ANKFY1: variants seen among roughly 807,000 people sequenced by gnomAD.
ANKFY1 encodes the protein ankyrin repeat and FYVE domain-containing protein 1.
ANKFY1 carries 47 observed loss-of-function variants against 128.3 expected under a neutral mutation model. That is an observed-to-expected ratio of 0.37 (90% CI 0.29 to 0.47). The LOEUF is 0.47. Among genes scored for constraint, ANKFY1 ranks in the 20% least tolerant of loss-of-function variants. ANKFY1 has a pLI of 1.00. For synonymous variants in ANKFY1, 553 were observed against 601.6 expected (o/e 0.92, Z 1.18); for missense variants, 1,222 against 1,510.6 (o/e 0.81, Z 3.17).
rs565962464 is a variant in ANKFY1, at chr17:4,212,596, T to G, written c.459-2649A>C. On this transcript the variant is annotated intron_variant, in intron 4 of 24. Coordinates refer to ENST00000341657, the MANE Select transcript of ANKFY1 (RefSeq NM_001330063.2). Reference sequence around the variant, plus strand: ...ATCACAAAAGGAAATCACTTAATTTTAATAATCCACATTAGTGGATTTCAG... The same window carrying G: ...ATCACAAAAGGAAATCACTTAATTTGAATAATCCACATTAGTGGATTTCAG... 2.0e-5 allele frequency among the ~76,000 whole-genome samples: 3 copies of G among 152,308 alleles called. No individual in the cohort carries two copies. In the East Asian group the frequency reaches 5.8e-4, roughly 29 times the overall value.
intron 2 of ANKFY1, 82 bp from the exon 3 acceptor site, chr17:4,235,972 T>C: frequency 1.0e-6 from 1 of 964,214 alleles, no homozygotes; most frequent in Non-Finnish European, 1.6e-6. Context: ...GATAAACACA[T>C]GAGTATTCAT....
At chr17:4,236,173 CAAGTT>C (rs1419193046) in intron 2 of ANKFY1, among the ~76,000 whole-genome samples, 4 of 152,108 alleles carry the variant, frequency 2.6e-5, no homozygotes, top group African/African-American at 9.7e-5. Context: ...GGTGAACCTA[CAAGTT>C]AAGTAGGATG....
chr17:4,251,753 C>CA (rs1372044903), intron 1 of ANKFY1, among the ~76,000 whole-genome samples: 7 of 151,826 alleles, frequency 4.6e-5, no homozygotes, highest in South Asian at 2.1e-4. Flanking sequence ...AAACATCCAA[C>CA]AAAAAACGCC....
chr17:4,262,425 C>T (rs903259436), intron 1 of ANKFY1, among the ~76,000 whole-genome samples: 17 of 152,194 alleles, frequency 1.1e-4, no homozygotes, highest in African/African-American at 3.4e-4. Flanking sequence ...CCACACCTGG[C>T]TAACTTTCGT....
rs533746499 is a variant in ANKFY1, at chr17:4,261,306, C to A, written c.10+2626G>T. ...GAGTTCAAGACCAGCCTAGCCAACA[C>A]AGTGAAACCCCATCTCTACAAAAAT... On this transcript the variant is annotated intron_variant, in intron 1 of 24. Transcript: ENST00000341657. Among the ~76,000 whole-genome samples the A allele has an allele frequency of 5.9e-5, 9 of 152,210 alleles. No homozygotes were observed. In the South Asian group the frequency reaches 6.2e-4, roughly 11 times the overall value.
At chr17:4,227,192 AACAG>A (rs1399042444) in intron 3 of ANKFY1, among the ~76,000 whole-genome samples, 1 of 152,314 alleles carries the variant, frequency 6.6e-6, no homozygotes, top group Admixed American at 6.5e-5. Context: ...ATTTTCAGAA[AACAG>A]ACAATGAAGG....
chr17:4,178,692 C>T lies in ANKFY1; in HGVS notation c.2598+165G>A, dbSNP rs1567912712. 5.7e-6 allele frequency: 4 copies of T among 705,378 alleles called. No individual in the cohort carries two copies. Among genetic ancestry groups the T allele is most frequent in the East Asian group, 5.5e-5 (2 of 36,674 alleles). The allele number at this position is 705,378 out of a possible 1,614,324, so 43.7% of individuals were successfully genotyped here. A position where few individuals can be genotyped will look rare whatever the true frequency, so the allele number is the denominator to read the frequency against. ...CACAGGCAGAGGAGCCGGATCTCAT[C>T]CTGCACGGATGGGACATCTCAACAG... On this transcript the variant is annotated intron_variant, in intron 18 of 24. Transcript: ENST00000341657. The surrounding 1 kb of genome is among the most constrained non-coding windows in gnomAD (Gnocchi z 4.1).
rs763714568 is a variant in ANKFY1 at position 4,167,830 on chromosome 17, C to T, written c.3459G>A (p.Val1153=). The stretch of plus-strand genomic sequence containing the variant: ...CATCAAAACAAATGTTGCAAACCCG[C>T]ACAGGCTTGTTCAGATCAAACTTTA... ...PIIKFDLNKP[V]RVCNICFDVL... is the part of the protein sequence containing the mutation. The change falls in exon 25 of 25, where the codon GTG becomes GTA. Residue 1153 remains valine, a synonymous_variant. Coordinates refer to ENST00000341657, the MANE Select transcript of ANKFY1 (RefSeq NM_001330063.2). This position sits in a 1 kb window ranked among gnomAD's most constrained non-coding sequence, Gnocchi z 4.1. The T allele has an allele frequency of 3.7e-6, 6 of 1,613,800 alleles. No homozygotes were observed. Among genetic ancestry groups the T allele is most frequent in the South Asian group, 1.1e-5 (1 of 91,072 alleles).
At chr17:4,175,967 CGT>C (rs1480708958) in intron 19 of ANKFY1, among the ~76,000 whole-genome samples, 1 of 152,140 alleles carries the variant, frequency 6.6e-6, no homozygotes, top group Non-Finnish European at 1.5e-5. Context: ...GGTCAGGGAC[CGT>C]AACCTCCTCC....
intron 3 of ANKFY1, among the ~76,000 whole-genome samples, chr17:4,225,283 G>C (rs950321516): frequency 6.6e-6 from 1 of 152,076 alleles, no homozygotes; most frequent in South Asian, 2.1e-4. Flanking sequence ...CTTGAAGCCG[G>C]GAGGCAGAGG....
chr17:4,195,196 G>A lies in ANKFY1; in HGVS notation c.1173-19C>T. 2.5e-6 allele frequency: 4 copies of A among 1,590,612 alleles called. No individual in the cohort carries two copies. The highest frequency in any genetic ancestry group is 3.4e-6 in the Non-Finnish European group (4 of 1,165,094). On this transcript the variant is annotated intron_variant, in intron 9 of 24. Coordinates refer to ENST00000341657, the MANE Select transcript of ANKFY1 (RefSeq NM_001330063.2). Reference sequence around the variant, plus strand: ...ATCTAGTCTGAAAAGCAGAAGCAGTGTCAACAGCACATACAATCTTTTTGA... The same window carrying A: ...ATCTAGTCTGAAAAGCAGAAGCAGTATCAACAGCACATACAATCTTTTTGA...
chr17:4,222,058 C>A (rs1375052630), intron 3 of ANKFY1: 1 of 151,934 alleles, frequency 6.6e-6, no homozygotes, highest in Non-Finnish European at 1.5e-5. Flanking sequence ...AATTGGGCAG[C>A]CGCCCTAGGC....
At chr17:4,198,607 G>A (rs959870707) in intron 7 of ANKFY1, among the ~76,000 whole-genome samples, 4 of 152,188 alleles carry the variant, frequency 2.6e-5, no homozygotes, top group African/African-American at 9.6e-5. Context: ...CCTGAGCTCA[G>A]GAAAACCACC....
Position 4,183,422 on chromosome 17 carries a change from T to C in ANKFY1, c.1928A>G (p.Glu643Gly). Residue 643 changes from glutamate to glycine, a missense_variant, in exon 14 of 25, where the codon GAG (glutamate) becomes GGG (glycine). By Grantham distance (98) the Glu-to-Gly change is moderately conservative. Coordinates refer to ENST00000341657, the MANE Select transcript of ANKFY1 (RefSeq NM_001330063.2). ...QDSKSALFLL[E>G]HQADINVRTQ... is the part of the protein sequence containing the mutation. ...CCTGACATTTATATCTGCCTGGTGCTCCAGCAGGAAGAGTGCGCTCTTGCT... is the reference window on the plus strand; with the variant it reads ...CCTGACATTTATATCTGCCTGGTGCCCCAGCAGGAAGAGTGCGCTCTTGCT... 3 of 1,613,972 alleles carry C rather than the reference T, an allele frequency of 1.9e-6. No individual in the cohort carries two copies. The highest frequency in any genetic ancestry group is 2.5e-6 in the Non-Finnish European group (3 of 1,180,012).
intron 3 of ANKFY1, among the ~76,000 whole-genome samples, chr17:4,233,799 C>T (rs578007657): frequency 7.2e-5 from 11 of 152,270 alleles, no homozygotes; most frequent in South Asian, 4.1e-4. Context: ...GTACGGGCTC[C>T]GTATGGCAGG....
At chr17:4,247,864 T>A (rs1967633410) in intron 1 of ANKFY1, among the ~76,000 whole-genome samples, 1 of 152,202 alleles carries the variant, frequency 6.6e-6, no homozygotes, top group Admixed American at 6.5e-5. Flanking sequence ...CTGAAAGTAC[T>A]AATACATGTA....
chr17:4,171,442 TC>T (rs1399840930), intron 22 of ANKFY1, among the ~76,000 whole-genome samples: 2 of 152,140 alleles, frequency 1.3e-5, no homozygotes, highest in Non-Finnish European at 2.9e-5. Flanking sequence ...TGCTTCCCTA[TC>T]CCAGATGCCG....
At chr17:4,247,004 T>C (rs1413425291) in intron 1 of ANKFY1, among the ~76,000 whole-genome samples, 3 of 151,932 alleles carry the variant, frequency 2.0e-5, no homozygotes, top group Admixed American at 1.3e-4. Context: ...TCCCAGCTAC[T>C]CAGGAGGCTG....
chr17:4,209,954 G>A lies in ANKFY1; in HGVS notation c.459-7C>T. On this transcript the variant is annotated splice_region_variant and splice_polypyrimidine_tract_variant and intron_variant, in intron 4 of 24. Transcript: ENST00000341657. The stretch of plus-strand genomic sequence containing the variant: ...CATAACACCCTTCTCACATCTGTAA[G>A]AGAGTATTCATCATGAGGAGTATTA... The A allele has an allele frequency of 1.2e-6, 2 of 1,606,982 alleles. No individual in the cohort carries two copies. The highest frequency in any genetic ancestry group is 1.7e-6 in the Non-Finnish European group (2 of 1,174,102).
Sources: allele counts gnomAD v4.1 joint callset (sites outside exome capture counted in the v4.1 genomes callset), GRCh38; gene constraint gnomAD v4.1.1; non-coding constraint Gnocchi (gnomAD v3.1); transcripts MANE v1.5; gene names NCBI Gene and HGNC (gene_info 2026-07-23, HGNC 2026-07-21).